HECTD2: variants seen among roughly 807,000 people sequenced by gnomAD.
HECTD2 encodes the protein HECT domain E3 ubiquitin protein ligase 2, also known as probable E3 ubiquitin-protein ligase HECTD2.
In HECTD2, 35 loss-of-function variants were observed where a neutral mutation model predicts 103.2. That is an observed-to-expected ratio of 0.34 (90% CI 0.26 to 0.45). HECTD2 has a LOEUF of 0.45. Among genes scored for constraint, HECTD2 ranks in the 20% least tolerant of loss-of-function variants. The pLI is 1.00. For synonymous variants in HECTD2, 281 were observed against 329.9 expected (o/e 0.85, Z 1.61); for missense variants, 596 against 937.4 (o/e 0.64, Z 4.76).
intron 11 of HECTD2, among the ~76,000 whole-genome samples, chr10:91,490,554 C>A (rs1846427434): frequency 6.6e-6 from 1 of 152,062 alleles, no homozygotes; most frequent in Admixed American, 6.6e-5. Context: ...TGAATGTTCC[C>A]ATTTTATATT....
intron 2 of HECTD2, among the ~76,000 whole-genome samples, chr10:91,439,855 G>C (rs1209164669): frequency 6.6e-6 from 1 of 152,102 alleles, no homozygotes; most frequent in Non-Finnish European, 1.5e-5. Flanking sequence ...TTATGAATGG[G>C]AGTTCACTGA....
chr10:91,474,631 A>G (rs1285138609), intron 5 of HECTD2, among the ~76,000 whole-genome samples: 2 of 152,222 alleles, frequency 1.3e-5, no homozygotes, highest in East Asian at 3.9e-4. Flanking sequence ...GTCAGTGAGT[A>G]TGTATTGTCT....
intron 19 of HECTD2, 84 bp from the exon 20 acceptor site, chr10:91,501,107 C>T: frequency 8.2e-7 from 1 of 1,213,842 alleles, no homozygotes; most frequent in African/African-American, 1.5e-5. Context: ...AAGGAAAGTC[C>T]TTTCCTTAGA....
At chr10:91,474,163 G>A (rs904614620) in intron 5 of HECTD2, among the ~76,000 whole-genome samples, 4 of 152,144 alleles carry the variant, frequency 2.6e-5, no homozygotes, top group African/African-American at 9.7e-5. Flanking sequence ...CTCTAAAACA[G>A]TGCAAGTGGA....
chr10:91,410,616 G>A, intron 1 of HECTD2, 40 bp downstream of exon 1: 3 of 1,324,468 alleles, frequency 2.3e-6, no homozygotes, highest in South Asian at 1.9e-5. Flanking sequence ...CCCGGACGGC[G>A]GGAGTTGGGA....
chr10:91,473,735 A>G (rs774502958), intron 5 of HECTD2, among the ~76,000 whole-genome samples: 1 of 152,190 alleles, frequency 6.6e-6, no homozygotes, highest in Non-Finnish European at 1.5e-5. Context: ...GATTTTCTTA[A>G]TAACATTATC....
intron 2 of HECTD2, among the ~76,000 whole-genome samples, chr10:91,428,091 A>C (rs1455406165): frequency 6.6e-5 from 10 of 151,638 alleles, no homozygotes; most frequent in South Asian, 2.1e-4. Context: ...AGCTTTCTAC[A>C]TATGGCTAGC....
At chr10:91,454,085 A>G (rs1420588007) in intron 2 of HECTD2, among the ~76,000 whole-genome samples, 2 of 152,098 alleles carry the variant, frequency 1.3e-5, no homozygotes, top group African/African-American at 4.8e-5. Flanking sequence ...ACAATTAGGT[A>G]TTGAAGTCTC....
chr10:91,419,835 A>G (rs1020092854), intron 1 of HECTD2, among the ~76,000 whole-genome samples: 2 of 152,136 alleles, frequency 1.3e-5, no homozygotes, highest in African/African-American at 4.8e-5. Context: ...TAGGCTGGCC[A>G]CATTCCAGGC....
intron 1 of HECTD2, among the ~76,000 whole-genome samples, chr10:91,424,058 T>C (rs956555255): frequency 6.6e-6 from 1 of 152,150 alleles, no homozygotes; most frequent in Non-Finnish European, 1.5e-5. Flanking sequence ...TAGTCTAACA[T>C]TGGTCAGGAT....
intron 1 of HECTD2, among the ~76,000 whole-genome samples, chr10:91,424,642 A>G (rs1257333023): frequency 1.3e-5 from 2 of 152,104 alleles, no homozygotes; most frequent in Non-Finnish European, 2.9e-5. Context: ...AATTTTATAG[A>G]GTTGTTATTT....
intron 2 of HECTD2, among the ~76,000 whole-genome samples, chr10:91,458,560 A>G (rs1845210644): frequency 6.6e-6 from 1 of 152,048 alleles, no homozygotes; most frequent in Non-Finnish European, 1.5e-5. Flanking sequence ...TGAGATAACC[A>G]TGGAGGAAGA....
At chr10:91,509,814 T>C (rs1350678078) in intron 20 of HECTD2, among the ~76,000 whole-genome samples, 1 of 152,072 alleles carries the variant, frequency 6.6e-6, no homozygotes, top group Non-Finnish European at 1.5e-5. Context: ...TAAAAGAAAC[T>C]GCCTATCAGG....
chr10:91,478,307 T>G (rs776073775), intron 6 of HECTD2, 42 bp downstream of exon 6: 6 of 1,181,982 alleles, frequency 5.1e-6, no homozygotes, highest in Non-Finnish European at 7.6e-6. Context: ...AGTATAGATG[T>G]CTAACTTACA....
intron 1 of HECTD2, among the ~76,000 whole-genome samples, chr10:91,413,116 G>T (rs190206676): frequency 9.9e-5 from 15 of 152,040 alleles, no homozygotes; most frequent in South Asian, 2.1e-4. Flanking sequence ...GGCTTTTTCA[G>T]AAAATCATTG....
At chr10:91,482,649 T>C (rs1181557139) in intron 7 of HECTD2, among the ~76,000 whole-genome samples, 3 of 151,996 alleles carry the variant, frequency 2.0e-5, no homozygotes, top group African/African-American at 7.2e-5. Flanking sequence ...ACCCTTAAGA[T>C]AGAGAATATC....
At chr10:91,428,474 G>A (rs1278174003) in intron 2 of HECTD2, among the ~76,000 whole-genome samples, 2 of 152,008 alleles carry the variant, frequency 1.3e-5, no homozygotes, top group African/African-American at 4.8e-5. Flanking sequence ...GGGCAGTATG[G>A]CCATTTTCAC....
intron 2 of HECTD2, among the ~76,000 whole-genome samples, chr10:91,458,264 G>A (rs1231936936): frequency 6.6e-6 from 1 of 151,846 alleles, no homozygotes; most frequent in African/African-American, 2.4e-5. Flanking sequence ...ATACCATGCT[G>A]GTGAAAGAAA....
At chr10:91,439,283 T>C (rs1052796342) in intron 2 of HECTD2, among the ~76,000 whole-genome samples, 14 of 152,104 alleles carry the variant, frequency 9.2e-5, no homozygotes, top group Admixed American at 8.5e-4. Flanking sequence ...CCAGTTTCAG[T>C]TTTCTGCATA....
Sources: allele counts gnomAD v4.1 joint callset (sites outside exome capture counted in the v4.1 genomes callset), GRCh38; gene constraint gnomAD v4.1.1; transcripts MANE v1.5; gene names NCBI Gene and HGNC (gene_info 2026-07-23, HGNC 2026-07-21).